PHACTR4: variants seen among roughly 807,000 people sequenced by gnomAD.
PHACTR4 encodes the protein phosphatase and actin regulator 4.
Under a neutral mutation model 72.7 loss-of-function variants are expected in PHACTR4, and 51 were observed. That is an observed-to-expected ratio of 0.70 (90% CI 0.56 to 0.89). PHACTR4 has a LOEUF of 0.89. Among genes scored for constraint, PHACTR4 ranks in the 40% least tolerant of loss-of-function variants. PHACTR4 has a pLI of 0.00. For synonymous variants in PHACTR4, 255 were observed against 302.5 expected, an observed-to-expected ratio of 0.84 and a Z score of 1.63; for missense variants, 731 against 861.8, an observed-to-expected ratio of 0.85 and a Z score of 1.90.
At chr1:28,420,920 A>T (rs1655465586) in intron 2 of PHACTR4, among the ~76,000 whole-genome samples, 1 of 152,344 alleles carries the variant, frequency 6.6e-6, no homozygotes, top group South Asian at 2.1e-4. Context: ...GTGATGATCA[A>T]ATATAACTTA....
intron 4 of PHACTR4, 56 bp from the exon 5 acceptor site, chr1:28,465,629 T>G (rs1415701523): frequency 6.6e-7 from 1 of 1,513,958 alleles, no homozygotes; most frequent in Non-Finnish European, 8.9e-7. Context: ...TACTAACTCT[T>G]CTTTCTATCT....
chr1:28,447,200 C>T (rs188619183), intron 2 of PHACTR4, among the ~76,000 whole-genome samples: 13 of 151,594 alleles, frequency 8.6e-5, no homozygotes, highest in South Asian at 2.1e-4. Flanking sequence ...TTAGTAGAGA[C>T]GGGGTTTCGC....
In PHACTR4 at chr1:28,475,729, C is replaced by CTTTTTTTTTTTTTTTTT. The variant is rs71672836; in HGVS notation, c.1422-364_1422-363insTTTTTTTTTTTTTTTTT. Among the ~76,000 whole-genome samples the CTTTTTTTTTTTTTTTTT allele has an allele frequency of 1.6e-4, 22 of 135,296 alleles. 2 individuals carry two copies. The highest frequency in any genetic ancestry group is 5.6e-4 in the African/African-American group (19 of 33,982). 88.8% of individuals were successfully genotyped at this position (135,296 alleles called of 152,430 possible). A position where few individuals can be genotyped will look rare whatever the true frequency, so the allele number is the denominator to read the frequency against. ...ATTTATGGTTATTTCAGTCCTTTGT[C>CTTTTTTTTTTTTTTTTT]TTTTTTTTTTTTTTGAGATAGAATC... On this transcript the variant is annotated intron_variant, in intron 7 of 13. Transcript: ENST00000373839.
chr1:28,425,718 GTTTC>G (rs890642612), intron 2 of PHACTR4, among the ~76,000 whole-genome samples: 71 of 152,258 alleles, frequency 4.7e-4, no homozygotes, highest in Middle Eastern at 3.4e-3. Flanking sequence ...TAATATTCAG[GTTTC>G]TTTCTCACTC....
chr1:28,384,484 A>G (rs1378917724), intron 1 of PHACTR4, among the ~76,000 whole-genome samples: 3 of 152,032 alleles, frequency 2.0e-5, no homozygotes, highest in African/African-American at 4.8e-5. Flanking sequence ...GGTTATTTGT[A>G]TTTCTGTGGG....
chr1:28,406,185 CTT>C (rs149654531), intron 1 of PHACTR4, among the ~76,000 whole-genome samples: 1,738 of 152,238 alleles, frequency 0.011, 25 homozygotes, highest in African/African-American at 0.039. Flanking sequence ...AGAATGAAAA[CTT>C]TACATTTCCA....
rs750041738 is a variant in PHACTR4 at position 28,480,474 on chromosome 1, A to C, written c.1630A>C (p.Arg544=). ...YQSALANKVK[R]KDTLAMKLNH... ...AGGTGCTCTCGCCAACAAAGTGAAGAGGAAAGACACACTGGCAATGAAGTT... is the reference window on the plus strand; with the variant it reads ...AGGTGCTCTCGCCAACAAAGTGAAGCGGAAAGACACACTGGCAATGAAGTT... Residue 544 remains arginine, a synonymous_variant, in exon 9 of 14, where the codon AGG becomes CGG. Coordinates refer to ENST00000373839, the MANE Select transcript of PHACTR4 (RefSeq NM_001048183.3). 3 of 1,614,096 alleles carry C rather than the reference A, an allele frequency of 1.9e-6. No individual in the cohort carries two copies. In the South Asian group the frequency reaches 3.3e-5, roughly 18 times the overall value.
In PHACTR4 at chr1:28,473,943, G is replaced by A. The variant is rs1659750092; in HGVS notation, c.1213G>A (p.Glu405Lys). ...PKRILDQNFGEPHIPSRLPPL... is the reference protein window; with the variant it reads ...PKRILDQNFGKPHIPSRLPPL... Reference sequence around the variant, plus strand: ...GAGGATACTGGACCAGAACTTTGGGGAGCCCCATATACCCTCTAGGCTGCC... The same window carrying A: ...GAGGATACTGGACCAGAACTTTGGGAAGCCCCATATACCCTCTAGGCTGCC... The change falls in exon 7 of 14, where the codon GAG (glutamate) becomes AAG (lysine). Residue 405 changes from glutamate (E) to lysine (K), a missense_variant. This residue lies in a region of PHACTR4 where 621 missense variants were observed against 676.6 expected (regional missense o/e 0.92). Coordinates refer to ENST00000373839, the MANE Select transcript of PHACTR4 (RefSeq NM_001048183.3). 6.2e-7 allele frequency: 1 copy of A among 1,614,136 alleles called. No homozygotes were observed. The highest frequency in any genetic ancestry group is 8.5e-7 in the Non-Finnish European group (1 of 1,180,028).
rs1271334297 is a variant in PHACTR4 at position 28,369,815 on chromosome 1, C to T, written c.-49C>T. The T allele has an allele frequency of 2.2e-6, 1 of 458,406 alleles. No individual in the cohort carries two copies. The highest frequency in any genetic ancestry group is 2.0e-5 in the African/African-American group (1 of 49,960). The allele number at this position is 458,406 out of a possible 1,614,324, so 28.4% of individuals were successfully genotyped here. ...GCTGTGGAGGCTGAGGAGGCGGCGG[C>T]GGAGATCTGGGTAAGTTCAGCGAGC... On this transcript the variant is annotated 5_prime_UTR_variant, in exon 1 of 14. Transcript: ENST00000373839.
At chr1:28,443,252 A>C (rs1382880149) in intron 2 of PHACTR4, among the ~76,000 whole-genome samples, 4 of 79,474 alleles carry the variant, frequency 5.0e-5, no homozygotes, top group Non-Finnish European at 1.1e-4. Context: ...TGAGAATGAC[A>C]GGATTTCATT....
intron 2 of PHACTR4, among the ~76,000 whole-genome samples, chr1:28,450,622 T>G (rs372988492): frequency 2.4e-4 from 36 of 150,392 alleles, no homozygotes; most frequent in Non-Finnish European, 4.6e-4. Flanking sequence ...TTTTTGGTTG[T>G]TTGTTTGTTT....
At chr1:28,449,303 C>G (rs1359516354) in intron 2 of PHACTR4, among the ~76,000 whole-genome samples, 1 of 152,046 alleles carries the variant, frequency 6.6e-6, no homozygotes, top group Non-Finnish European at 1.5e-5. Context: ...CCACTGTACT[C>G]TAGCCTGGGT....
At chr1:28,485,996 T>C (rs1487278083) in intron 9 of PHACTR4, among the ~76,000 whole-genome samples, 1 of 151,810 alleles carries the variant, frequency 6.6e-6, no homozygotes, top group African/African-American at 2.4e-5. Flanking sequence ...AAGATTGAAA[T>C]TTAAAAAAAC....
intron 1 of PHACTR4, among the ~76,000 whole-genome samples, chr1:28,376,924 A>G (rs1316829172): frequency 6.7e-6 from 1 of 150,146 alleles, no homozygotes; most frequent in African/African-American, 2.4e-5. Flanking sequence ...GGCGTGAGCC[A>G]GCGCGCCCGG....
intron 2 of PHACTR4, among the ~76,000 whole-genome samples, chr1:28,419,793 C>T (rs1655394194): frequency 6.6e-6 from 1 of 152,058 alleles, no homozygotes; most frequent in Admixed American, 6.6e-5. Context: ...TGCATTTCTA[C>T]CAAATTGATT....
chr1:28,451,119 C>G (rs142077349), intron 2 of PHACTR4, among the ~76,000 whole-genome samples: 1 of 151,756 alleles, frequency 6.6e-6, no homozygotes, highest in African/African-American at 2.4e-5. Flanking sequence ...CGCACCCAGC[C>G]TAATTTTTGT....
chr1:28,424,832 C>T (rs1408918623), intron 2 of PHACTR4, among the ~76,000 whole-genome samples: 2 of 150,694 alleles, frequency 1.3e-5, no homozygotes, highest in Admixed American at 6.6e-5. Flanking sequence ...CGTGTTCTGT[C>T]GCCCAGCTTG....
At chr1:28,486,911 C>T (rs1376760931) in intron 9 of PHACTR4, among the ~76,000 whole-genome samples, 5 of 151,400 alleles carry the variant, frequency 3.3e-5, no homozygotes, top group African/African-American at 9.7e-5. Flanking sequence ...ATCTCTAATT[C>T]CAGCCCTTTG....
chr1:28,413,336 G>C (rs1430179642), intron 2 of PHACTR4, among the ~76,000 whole-genome samples: 1 of 152,162 alleles, frequency 6.6e-6, no homozygotes, highest in African/African-American at 2.4e-5. Context: ...GAGTCACATT[G>C]CTCCAGTCTG....
Sources: allele counts gnomAD v4.1 joint callset (sites outside exome capture counted in the v4.1 genomes callset), GRCh38; gene constraint gnomAD v4.1.1; regional missense constraint gnomAD v4.1.1; transcripts MANE v1.5; gene names NCBI Gene and HGNC (gene_info 2026-07-23, HGNC 2026-07-21).